The following STAM2 variants were observed in gnomAD, a reference collection of about 807,000 sequenced individuals.
STAM2 encodes signal transducing adaptor molecule 2, also known as signal transducing adapter molecule 2.
STAM2 carries 51 observed loss-of-function variants against 65.6 expected under a neutral mutation model. The ratio of observed to expected loss-of-function variants is 0.78; its 90% CI spans 0.62 to 0.98. STAM2 has a LOEUF of 0.98. Ranked by LOEUF, STAM2 falls within the 50% of genes least tolerant of loss-of-function variation. The pLI, the probability that STAM2 is intolerant of heterozygous loss-of-function variation, is 0.00. For missense variants in STAM2, 584 were observed against 617.8 expected (o/e 0.95, Z 0.58); for synonymous variants, 198 against 208.4 (o/e 0.95, Z 0.43).
At chr2:152,139,504 T>C (rs1177355222) in intron 7 of STAM2, among the ~76,000 whole-genome samples, 1 of 152,202 alleles carries the variant, frequency 6.6e-6, no homozygotes, top group Non-Finnish European at 1.5e-5. Flanking sequence ...TGTAGCGTGC[T>C]ATGCTCACGC....
chr2:152,159,024 A>G (rs574466963), intron 1 of STAM2, among the ~76,000 whole-genome samples: 9 of 149,358 alleles, frequency 6.0e-5, no homozygotes, highest in African/African-American at 1.7e-4. Context: ...TAGGAGGAAA[A>G]AAAACCTCAA....
At chr2:152,150,683 G>A (rs1185877349) in intron 1 of STAM2, among the ~76,000 whole-genome samples, 1 of 152,176 alleles carries the variant, frequency 6.6e-6, no homozygotes, top group African/African-American at 2.4e-5. Context: ...GCAAATGCCT[G>A]TAATCTTAGC....
intron 8 of STAM2, among the ~76,000 whole-genome samples, chr2:152,134,609 T>C (rs1164155610): frequency 1.3e-5 from 2 of 152,110 alleles, no homozygotes; most frequent in Non-Finnish European, 2.9e-5. Context: ...CCTCAGTGAG[T>C]CATTGTTAAG....
intron 1 of STAM2, among the ~76,000 whole-genome samples, chr2:152,173,361 C>CACATATACATACATATATATATATGTAT (rs1689933299): frequency 7.0e-6 from 1 of 142,696 alleles, no homozygotes; most frequent in African/African-American, 2.6e-5. Context: ...CGTATATACA[C>CACATATACATACATATATATATATGTAT]ACATATATAT....
chr2:152,161,770 G>A (rs1000395840), intron 1 of STAM2, among the ~76,000 whole-genome samples: 1 of 152,094 alleles, frequency 6.6e-6, no homozygotes, highest in African/African-American at 2.4e-5. Context: ...TCTTTACCCT[G>A]GGGAAAGCAG....
chr2:152,170,942 G>A (rs1013686061), intron 1 of STAM2, among the ~76,000 whole-genome samples: 45 of 152,128 alleles, frequency 3.0e-4, no homozygotes, highest in Non-Finnish European at 5.9e-5. Context: ...GTTGCAGTGA[G>A]CTGAGATTAC....
intron 1 of STAM2, among the ~76,000 whole-genome samples, chr2:152,151,932 T>C (rs939636884): frequency 2.0e-5 from 3 of 152,094 alleles, no homozygotes; most frequent in African/African-American, 7.2e-5. Flanking sequence ...TCTGGGTTGG[T>C]TGGTTGGTTG....
At chr2:152,123,218 A>G (rs568917014) in intron 13 of STAM2, among the ~76,000 whole-genome samples, 1 of 152,164 alleles carries the variant, frequency 6.6e-6, no homozygotes, top group African/African-American at 2.4e-5. Context: ...AAAAATACAA[A>G]AAAATTAGCT....
intron 1 of STAM2, among the ~76,000 whole-genome samples, chr2:152,161,744 T>C (rs1038292349): frequency 6.6e-6 from 1 of 152,212 alleles, no homozygotes; most frequent in African/African-American, 2.4e-5. Flanking sequence ...TTTGGGTTAA[T>C]GTTTATCGAT....
chr2:152,147,296 C>G lies in STAM2; in HGVS notation c.313G>C (p.Val105Leu), dbSNP rs1484421607. 6.4e-7 allele frequency: 1 copy of G among 1,560,340 alleles called. No individual in the cohort carries two copies. Among genetic ancestry groups the G allele is most frequent in the African/African-American group, 1.4e-5 (1 of 71,904 alleles). The change falls in exon 5 of 14, where the codon GTA becomes CTA. Residue 105 changes from valine to leucine, a missense_variant. Physicochemically the swap from Val to Leu is conservative, Grantham distance 32. Coordinates refer to ENST00000263904, the MANE Select transcript of STAM2 (RefSeq NM_005843.6). ...ATTAAAGATTTCAGTTTTTCACATA[C>G]TTTAGGATGTGCCTTTTAAGGAAAA... ...AVIKNKAHPKVCEKLKSLMVE... is the reference protein window; with the variant it reads ...AVIKNKAHPKLCEKLKSLMVE...
intron 1 of STAM2, among the ~76,000 whole-genome samples, chr2:152,159,108 T>TATATATATATATATATATATAC (rs1191937152): frequency 2.2e-5 from 3 of 136,092 alleles, no homozygotes; most frequent in Non-Finnish European, 4.7e-5. Context: ...TATATATATA[T>TATATATATATATATATATATAC]ATACACACAC....
In STAM2 at chr2:152,166,428, T is replaced by C. The variant is rs577922266; in HGVS notation, c.40+9175A>G. 9.2e-5 allele frequency among the ~76,000 whole-genome samples: 14 copies of C among 152,318 alleles called. No individual in the cohort carries two copies. In the South Asian group the frequency reaches 2.9e-3, roughly 32 times the overall value. On this transcript the variant is annotated intron_variant, in intron 1 of 13. Transcript: ENST00000263904. ...TTTATTTTGATATCTGGGTGATAGATGGTTAGAACTGATAGTTGTCAAGTA... is the reference window on the plus strand; with the variant it reads ...TTTATTTTGATATCTGGGTGATAGACGGTTAGAACTGATAGTTGTCAAGTA...
chr2:152,175,523 G>A (rs1690000147), intron 1 of STAM2, 80 bp downstream of exon 1: 18 of 1,569,588 alleles, frequency 1.1e-5, no homozygotes, highest in East Asian at 2.3e-5. Context: ...CCCCGGAGTC[G>A]CTACCGCCCA....
intron 13 of STAM2, among the ~76,000 whole-genome samples, chr2:152,123,490 GACTACTTCACAGGCTGATTATAGC>G (rs1489867066): frequency 6.6e-6 from 1 of 152,140 alleles, no homozygotes; most frequent in Non-Finnish European, 1.5e-5. Context: ...ATAAGTCTGG[GACTACTTCACAGGCTGATTATAGC>G]ACAGTGCTAA....
intron 8 of STAM2, among the ~76,000 whole-genome samples, chr2:152,134,104 TG>T (rs3835746): frequency 0.23 from 35,403 of 151,922 alleles, 4,205 homozygotes; most frequent in Admixed American, 0.31. Context: ...AAATGTTCCC[TG>T]GAGTATTGCT....
At chr2:152,122,842 G>C (rs1051531060) in intron 13 of STAM2, among the ~76,000 whole-genome samples, 1 of 152,100 alleles carries the variant, frequency 6.6e-6, no homozygotes, top group South Asian at 2.1e-4. Context: ...ACAGCAGGCA[G>C]ATCCCTTGAG....
intron 11 of STAM2, 118 bp downstream of exon 11, chr2:152,131,996 G>A (rs1341627445): frequency 6.1e-6 from 4 of 656,692 alleles, no homozygotes; most frequent in African/African-American, 3.8e-5. Context: ...CTGGGAAACT[G>A]AAAAACAATT....
chr2:152,147,398 T>C, intron 4 of STAM2, 90 bp from the exon 5 acceptor site: 1 of 1,250,162 alleles, frequency 8.0e-7, no homozygotes, highest in South Asian at 1.8e-5. Flanking sequence ...CCATCAAAAT[T>C]CTCTTTAATT....
At chr2:152,126,552 G>C (rs1345304539) in intron 11 of STAM2, among the ~76,000 whole-genome samples, 173 bp from the exon 12 acceptor site, 1 of 152,142 alleles carries the variant, frequency 6.6e-6, no homozygotes, top group African/African-American at 2.4e-5. Context: ...CTTAATCCTT[G>C]TAATAGCTAG....
Sources: gnomAD v4.1 joint callset for allele counts (sites outside exome capture counted in the v4.1 genomes callset) on GRCh38, gnomAD v4.1.1 for gene constraint, MANE v1.5 for transcripts, NCBI Gene and HGNC (gene_info 2026-07-23, HGNC 2026-07-21) for gene names.